AP3B1: variants seen among roughly 807,000 people sequenced by gnomAD.
The protein encoded by AP3B1 is adaptor related protein complex 3 subunit beta 1.
In AP3B1, 61 loss-of-function variants were observed where a neutral mutation model predicts 132.5. That is an observed-to-expected ratio of 0.46 (90% CI 0.37 to 0.57). The LOEUF (loss-of-function observed/expected upper bound fraction) is 0.57, where lower values mean the gene tolerates loss of function less well. AP3B1 is among the 20% of genes least tolerant of loss of function. AP3B1 has a pLI of 0.00. For missense variants in AP3B1, 1,120 were observed against 1,289.4 expected (o/e 0.87, Z 2.01); for synonymous variants, 388 against 438.3 (o/e 0.89, Z 1.43).
chr5:78,264,225 G>A (rs1246087630), intron 2 of AP3B1, among the ~76,000 whole-genome samples: 1 of 151,972 alleles, frequency 6.6e-6, no homozygotes, highest in Non-Finnish European at 1.5e-5. Context: ...TTTAAACCCA[G>A]TTTTTTGAAA....
chr5:78,075,013 A>G (rs1393530533), intron 22 of AP3B1, among the ~76,000 whole-genome samples: 1 of 152,254 alleles, frequency 6.6e-6, no homozygotes, highest in Non-Finnish European at 1.5e-5. Flanking sequence ...TATTCATGAA[A>G]TGTCTGGCAT....
At chr5:78,016,686 C>G (rs1343701645) in intron 25 of AP3B1, among the ~76,000 whole-genome samples, 1 of 152,070 alleles carries the variant, frequency 6.6e-6, no homozygotes, top group Admixed American at 6.5e-5. Context: ...TAAAGCCTAA[C>G]ATTGTGAAAA....
chr5:78,060,229 C>A (rs139347244), intron 22 of AP3B1, among the ~76,000 whole-genome samples: 2 of 152,280 alleles, frequency 1.3e-5, no homozygotes, highest in Admixed American at 6.5e-5. Context: ...AAGCATTCTG[C>A]AACCATTTGT....
rs150106636 is a variant in AP3B1, at chr5:78,059,335, C to T, written c.2578-20061G>A. ...TCCAGAAGGAACATGGTCATGCTGA[C>T]GCCTTGAAAAATAATAATAAATTTG... On this transcript the variant is annotated intron_variant, in intron 22 of 26. Coordinates refer to ENST00000255194, the MANE Select transcript of AP3B1 (RefSeq NM_003664.5). 1.2e-4 allele frequency among the ~76,000 whole-genome samples: 18 copies of T among 152,278 alleles called. No homozygotes were observed. In the East Asian group the frequency reaches 1.7e-3, roughly 15 times the overall value.
At chr5:78,164,785 C>T (rs923229484) in intron 12 of AP3B1, among the ~76,000 whole-genome samples, 1 of 151,860 alleles carries the variant, frequency 6.6e-6, no homozygotes, top group Non-Finnish European at 1.5e-5. Context: ...AATCACATAG[C>T]TAAAAAGAAA....
chr5:78,134,392 AT>A, intron 15 of AP3B1, among the ~76,000 whole-genome samples: 1 of 152,142 alleles, frequency 6.6e-6, no homozygotes. Context: ...CATAGTAAAG[AT>A]TTATATTGGT....
At chr5:78,155,624 T>G (rs978320814) in intron 14 of AP3B1, among the ~76,000 whole-genome samples, 2 of 152,026 alleles carry the variant, frequency 1.3e-5, no homozygotes, top group Non-Finnish European at 2.9e-5. Flanking sequence ...AAGTGAAAGA[T>G]GCCAGAAACA....
intron 17 of AP3B1, among the ~76,000 whole-genome samples, chr5:78,117,209 A>G (rs1301517827): frequency 1.5e-5 from 2 of 137,874 alleles, no homozygotes; most frequent in Admixed American, 1.6e-4. Context: ...AGCATGTATT[A>G]CTTGTTAACA....
chr5:78,202,017 A>G (rs913462819), intron 7 of AP3B1, among the ~76,000 whole-genome samples: 3 of 152,112 alleles, frequency 2.0e-5, no homozygotes, highest in African/African-American at 7.2e-5. Flanking sequence ...CACAATTGCC[A>G]TGTGTCGTGG....
In AP3B1 at chr5:78,034,480, G is replaced by C. The variant is rs377552274; in HGVS notation, c.2810-35C>G. ...AAGATAATTTAGACATGAAAACACA[G>C]AGGATGTGAAAAAGAGGCAAACTAA... On this transcript the variant is annotated intron_variant, in intron 23 of 26. Transcript: ENST00000255194. The C allele has an allele frequency of 6.6e-6, 10 of 1,513,880 alleles. No individual in the cohort carries two copies. The African/African-American group carries it at 1.2e-4, about 19-fold the overall frequency. 93.8% of individuals were successfully genotyped at this position (1,513,880 alleles called of 1,614,324 possible).
At chr5:78,129,423 T>C in intron 15 of AP3B1, 116 bp from the exon 16 acceptor site, 2 of 908,324 alleles carry the variant, frequency 2.2e-6, no homozygotes, top group Non-Finnish European at 3.5e-6. Context: ...ACAAATGTTG[T>C]TCCATAGGGA....
chr5:78,038,899 G>A, intron 23 of AP3B1, 144 bp downstream of exon 23: 1 of 621,190 alleles, frequency 1.6e-6, no homozygotes, highest in South Asian at 2.1e-5. Context: ...ACAAGAAAAA[G>A]CAAATATAAA....
At chr5:78,162,277 C>T (rs1008741695) in intron 13 of AP3B1, among the ~76,000 whole-genome samples, 1 of 152,156 alleles carries the variant, frequency 6.6e-6, no homozygotes, top group Admixed American at 6.5e-5. Context: ...CCAGTTTTAC[C>T]GAACACTTAG....
chr5:78,039,813 AG>A lies in AP3B1; in HGVS notation c.2578-540del, dbSNP rs1233402516. ...AAAAAGAAAAGAAAAGAAAAAAAAA[AG>A]AAATTTTTCTGTAACCTCCAAGCAT... On this transcript the variant is annotated intron_variant, in intron 22 of 26. Transcript: ENST00000255194. 1.1e-4 allele frequency among the ~76,000 whole-genome samples: 17 copies of A among 151,026 alleles called. No individual in the cohort carries two copies. The East Asian group carries it at 2.5e-3, about 22-fold the overall frequency.
At chr5:78,193,371 C>G (rs762817992) in intron 7 of AP3B1, among the ~76,000 whole-genome samples, 2 of 151,860 alleles carry the variant, frequency 1.3e-5, no homozygotes, top group Non-Finnish European at 2.9e-5. Context: ...TTACTTTCTC[C>G]TTGTCCAGAA....
chr5:78,286,451 G>T (rs990138671), intron 1 of AP3B1, among the ~76,000 whole-genome samples: 2 of 152,112 alleles, frequency 1.3e-5, no homozygotes, highest in Non-Finnish European at 2.9e-5. Flanking sequence ...CTTCTGCCCA[G>T]TAAGGACACA....
At chr5:78,050,048 T>G (rs1748513941) in intron 22 of AP3B1, among the ~76,000 whole-genome samples, 1 of 152,158 alleles carries the variant, frequency 6.6e-6, no homozygotes, top group African/African-American at 2.4e-5. Context: ...ATTCTACTCA[T>G]CGCCATGACT....
At chr5:78,105,562 T>C (rs1751298829) in intron 20 of AP3B1, among the ~76,000 whole-genome samples, 1 of 152,062 alleles carries the variant, frequency 6.6e-6, no homozygotes, top group Non-Finnish European at 1.5e-5. Flanking sequence ...AAAAAAAATT[T>C]CCCCTTTACA....
At chr5:78,196,416 C>T (rs1253698837) in intron 7 of AP3B1, among the ~76,000 whole-genome samples, 1 of 152,082 alleles carries the variant, frequency 6.6e-6, no homozygotes, top group Non-Finnish European at 1.5e-5. Flanking sequence ...TCATTCATTG[C>T]CGATGGGAAT....
Sources: allele counts gnomAD v4.1 joint callset (sites outside exome capture counted in the v4.1 genomes callset), GRCh38; gene constraint gnomAD v4.1.1; transcripts MANE v1.5; gene names NCBI Gene and HGNC (gene_info 2026-07-23, HGNC 2026-07-21).